RBFOX1: variants seen among roughly 807,000 people sequenced by gnomAD.
RBFOX1 encodes RNA binding protein fox-1 homolog 1.
In RBFOX1, 8 loss-of-function variants were observed where a neutral mutation model predicts 57.7. The ratio of observed to expected loss-of-function variants is 0.14; its 90% CI spans 0.08 to 0.25. The LOEUF (loss-of-function observed/expected upper bound fraction) is 0.25, where lower values mean the gene tolerates loss of function less well. Among genes scored for constraint, RBFOX1 ranks in the 10% least tolerant of loss-of-function variants. RBFOX1 has a pLI of 1.00. For missense variants in RBFOX1, 611 were observed against 548.5 expected (o/e 1.11, Z -1.14); for synonymous variants, 326 against 222.4 (o/e 1.47, Z -4.15).
In RBFOX1 at chr16:7,046,180, A is replaced by G. The variant is rs558228516; in HGVS notation, c.-15-5877A>G. Among the ~76,000 whole-genome samples the G allele has an allele frequency of 3.3e-5, 5 of 152,232 alleles. No individual in the cohort carries two copies. In the South Asian group the frequency reaches 1.0e-3, roughly 32 times the overall value. On this transcript the variant is annotated intron_variant, in intron 3 of 15. Transcript: ENST00000550418. Reference sequence around the variant, plus strand: ...GCCATTTAGTTTATATTTTACATGTAGACAGGTGTTCCATTTTGACTTAAT... The same window carrying G: ...GCCATTTAGTTTATATTTTACATGTGGACAGGTGTTCCATTTTGACTTAAT...
intron 5 of RBFOX1, among the ~76,000 whole-genome samples, chr16:7,541,808 T>G (rs1368160854): frequency 6.6e-6 from 1 of 152,162 alleles, no homozygotes; most frequent in African/African-American, 2.4e-5. Context: ...TGGCAAATGA[T>G]TTTGATGGGT....
intron 1 of RBFOX1, among the ~76,000 whole-genome samples, chr16:6,023,832 C>T (rs559843444): frequency 2.6e-5 from 4 of 152,282 alleles, no homozygotes; most frequent in African/African-American, 7.2e-5. Context: ...TTAAAGAAGC[C>T]ACGAGGCTCT....
intron 4 of RBFOX1, among the ~76,000 whole-genome samples, chr16:7,180,158 A>G (rs1389063441): frequency 6.6e-6 from 1 of 152,030 alleles, no homozygotes; most frequent in African/African-American, 2.4e-5. Flanking sequence ...TGCCTTGCAG[A>G]ACTATTATTA....
intron 4 of RBFOX1, among the ~76,000 whole-genome samples, chr16:7,392,015 C>T (rs1232564850): frequency 6.6e-6 from 1 of 152,224 alleles, no homozygotes; most frequent in Non-Finnish European, 1.5e-5. Flanking sequence ...CCCCTCCTGC[C>T]TTTTGCAATC....
chr16:5,610,014 T>C (rs2047718412), intron 3 of RBFOX1, among the ~76,000 whole-genome samples: 1 of 152,186 alleles, frequency 6.6e-6, no homozygotes, highest in Admixed American at 6.6e-5. Context: ...TTAGCACCCT[T>C]CTTCTTTTCT....
At chr16:7,089,956 C>T (rs750105733) in intron 4 of RBFOX1, among the ~76,000 whole-genome samples, 6 of 151,458 alleles carry the variant, frequency 4.0e-5, no homozygotes, top group Non-Finnish European at 5.9e-5. Context: ...CAGCTGGATG[C>T]AGGCTGTTTA....
intron 2 of RBFOX1, among the ~76,000 whole-genome samples, chr16:5,543,168 T>C (rs2045036735): frequency 6.6e-6 from 1 of 152,238 alleles, no homozygotes; most frequent in Non-Finnish European, 1.5e-5. Flanking sequence ...CAAGGATATT[T>C]ATTAGAATGC....
chr16:6,103,687 G>A (rs2096342484), intron 1 of RBFOX1, among the ~76,000 whole-genome samples: 1 of 152,064 alleles, frequency 6.6e-6, no homozygotes, highest in Non-Finnish European at 1.5e-5. Flanking sequence ...AAGGATCTGG[G>A]GGTGGGAAAT....
At chr16:7,552,979 G>A (rs112896149) in intron 5 of RBFOX1, among the ~76,000 whole-genome samples, 7,121 of 151,616 alleles carry the variant, frequency 0.047, 548 homozygotes, top group African/African-American at 0.16. Flanking sequence ...CACTGAGACC[G>A]GCCTAATTTG....
intron 3 of RBFOX1, among the ~76,000 whole-genome samples, chr16:6,670,502 A>G (rs1397979240): frequency 1.3e-5 from 2 of 152,232 alleles, no homozygotes; most frequent in African/African-American, 2.4e-5. Flanking sequence ...ATAAAATTAG[A>G]AGAGCTAAGG....
intron 4 of RBFOX1, among the ~76,000 whole-genome samples, chr16:7,448,580 A>C (rs2098826409): frequency 6.6e-6 from 1 of 152,202 alleles, no homozygotes; most frequent in Non-Finnish European, 1.5e-5. Flanking sequence ...GGTCCCTCCC[A>C]TGACACATGG....
chr16:7,303,499 G>T (rs1175082217), intron 4 of RBFOX1, among the ~76,000 whole-genome samples: 1 of 152,236 alleles, frequency 6.6e-6, no homozygotes, highest in African/African-American at 2.4e-5. Flanking sequence ...CGGGGCGCTC[G>T]CTCGCCTGCT....
At chr16:6,883,295 A>G (rs1051776573) in intron 3 of RBFOX1, among the ~76,000 whole-genome samples, 1 of 152,132 alleles carries the variant, frequency 6.6e-6, no homozygotes, top group Non-Finnish European at 1.5e-5. Flanking sequence ...GCTTAATGCT[A>G]CTTTTTGTTG....
At chr16:5,353,773 T>C (rs1300062696) in intron 1 of RBFOX1, among the ~76,000 whole-genome samples, 2 of 150,144 alleles carry the variant, frequency 1.3e-5, no homozygotes, top group South Asian at 2.1e-4. Context: ...TGCCGAGTGC[T>C]CCCTTAGGAC....
At chr16:5,880,632 G>T (rs550276866) in intron 4 of RBFOX1, among the ~76,000 whole-genome samples, 49 of 152,266 alleles carry the variant, frequency 3.2e-4, no homozygotes, top group Admixed American at 4.6e-4. Flanking sequence ...TGGGTGTCTG[G>T]ACTTTGGAAT....
chr16:6,687,658 T>G (rs1442626310), intron 3 of RBFOX1, among the ~76,000 whole-genome samples: 9 of 152,198 alleles, frequency 5.9e-5, no homozygotes, highest in Admixed American at 5.2e-4. Flanking sequence ...TTCAGGCTGC[T>G]CCTGTTTCAT....
At chr16:7,514,236 C>T (rs1433071098) in intron 4 of RBFOX1, among the ~76,000 whole-genome samples, 1 of 152,126 alleles carries the variant, frequency 6.6e-6, no homozygotes, top group Non-Finnish European at 1.5e-5. Context: ...GGGTGTGTTC[C>T]AATAAAACTT....
At chr16:7,329,058 T>C (rs375101321) in intron 4 of RBFOX1, among the ~76,000 whole-genome samples, 5 of 152,334 alleles carry the variant, frequency 3.3e-5, no homozygotes, top group African/African-American at 1.2e-4. Context: ...CAATCCTTCT[T>C]TGGTGTATTG....
intron 3 of RBFOX1, among the ~76,000 whole-genome samples, chr16:6,918,114 C>A (rs969328121): frequency 6.6e-6 from 1 of 152,028 alleles, no homozygotes; most frequent in Non-Finnish European, 1.5e-5. Context: ...TGGTGAAACC[C>A]CTGTCTCTAC....
Sources: gnomAD v4.1 joint callset for allele counts (sites outside exome capture counted in the v4.1 genomes callset) on GRCh38, gnomAD v4.1.1 for gene constraint, MANE v1.5 for transcripts, NCBI Gene and HGNC (gene_info 2026-07-23, HGNC 2026-07-21) for gene names.